GASK1B: variants seen among roughly 807,000 people sequenced by gnomAD.
The protein encoded by GASK1B is golgi associated kinase 1B.
A neutral mutation model predicts 42.8 loss-of-function variants in GASK1B; 34 were observed. The ratio of observed to expected loss-of-function variants is 0.79; its 90% CI spans 0.60 to 1.06. The LOEUF (loss-of-function observed/expected upper bound fraction) is 1.06. Ranked by LOEUF, GASK1B falls within the 50% of genes least tolerant of loss-of-function variation. The pLI, the probability that GASK1B is intolerant of heterozygous loss-of-function variation, is 0.00. For missense variants in GASK1B, 686 were observed against 661.0 expected (o/e 1.04, Z -0.42); for synonymous variants, 262 against 259.1 (o/e 1.01, Z -0.11).
intron 3 of GASK1B, among the ~76,000 whole-genome samples, chr4:158,144,532 C>CATTCCCAT (rs1731258640): frequency 6.6e-6 from 1 of 152,204 alleles, no homozygotes; most frequent in Non-Finnish European, 1.5e-5. Flanking sequence ...TAGCATCATA[C>CATTCCCAT]ATTCCCATAT....
chr4:158,132,589 T>C (rs1730724055), intron 3 of GASK1B, among the ~76,000 whole-genome samples: 1 of 152,226 alleles, frequency 6.6e-6, no homozygotes, highest in Non-Finnish European at 1.5e-5. Context: ...CTTTCTTCTC[T>C]GTTTACTGTA....
At chr4:158,146,080 T>C (rs930034733) in intron 3 of GASK1B, among the ~76,000 whole-genome samples, 3 of 152,192 alleles carry the variant, frequency 2.0e-5, no homozygotes, top group South Asian at 2.1e-4. Flanking sequence ...GAGAGCACTT[T>C]ATATATTTTA....
At position 158,125,238 on chromosome 4, in the gene GASK1B, T is replaced by C. The variant is rs1356914246; in HGVS notation, c.*2169A>G. On this transcript the variant is annotated 3_prime_UTR_variant, in exon 5 of 5. Coordinates refer to ENST00000585682, the MANE Select transcript of GASK1B (RefSeq NM_001128424.2). ...CTAAAATAAACATGTTCCTGGGACT[T>C]TCATTTAATAAGCATTTTGGAATAA... The C allele has an allele frequency of 6.6e-6, 1 of 152,200 alleles. No individual in the cohort carries two copies. The allele number at this position is 152,200 out of a possible 1,614,324, so 9.4% of individuals were successfully genotyped here.
At chr4:158,160,355 C>A (rs752017353) in intron 2 of GASK1B, among the ~76,000 whole-genome samples, 15 of 152,188 alleles carry the variant, frequency 9.9e-5, no homozygotes, top group Non-Finnish European at 1.9e-4. Context: ...CAAACAAGTC[C>A]TGAATCTAGG....
intron 3 of GASK1B, among the ~76,000 whole-genome samples, chr4:158,141,334 T>C (rs1423478792): frequency 6.6e-6 from 1 of 151,716 alleles, no homozygotes; most frequent in Non-Finnish European, 1.5e-5. Context: ...GCTTATGAGA[T>C]ACTGGGCCTC....
rs1732465858 is a variant in GASK1B, at chr4:158,170,731, C to T, written c.645G>A (p.Trp215Ter). The change falls in exon 2 of 5, where the codon TGG (tryptophan) becomes TGA (stop). Residue 215 changes from tryptophan to a stop codon, truncating the protein, a stop_gained. Transcript: ENST00000585682. LOFTEE classifies it high-confidence loss of function. ...IRIYSESAPS[W>*]LSKDDIRRMR... ...TTCTTCGGATGTCATCTTTGCTCAGCCAGGAGGGGGCGCTCTCGCTGTAGA... is the reference window on the plus strand; with the variant it reads ...TTCTTCGGATGTCATCTTTGCTCAGTCAGGAGGGGGCGCTCTCGCTGTAGA... 6.2e-7 allele frequency: 1 copy of T among 1,614,120 alleles called. No individual in the cohort carries two copies. The highest frequency in any genetic ancestry group is 1.3e-5 in the African/African-American group (1 of 74,944).
intron 3 of GASK1B, among the ~76,000 whole-genome samples, chr4:158,147,258 A>G (rs1731366304): frequency 1.3e-5 from 2 of 152,098 alleles, no homozygotes; most frequent in African/African-American, 2.4e-5. Flanking sequence ...AAGTTTGTCC[A>G]TTTATTTATT....
At chr4:158,140,915 T>TA (rs757625225) in intron 3 of GASK1B, among the ~76,000 whole-genome samples, 65 of 152,250 alleles carry the variant, frequency 4.3e-4, no homozygotes, top group East Asian at 1.9e-4. Context: ...ACATAAAATT[T>TA]AAAAATATAT....
At chr4:158,160,185 A>C (rs1731918700) in intron 2 of GASK1B, among the ~76,000 whole-genome samples, 2 of 152,182 alleles carry the variant, frequency 1.3e-5, no homozygotes, top group Admixed American at 1.3e-4. Flanking sequence ...TTGTTATAGG[A>C]AACAAATTCT....
chr4:158,142,787 G>A (rs1193426333), intron 3 of GASK1B, among the ~76,000 whole-genome samples: 1 of 152,026 alleles, frequency 6.6e-6, no homozygotes, highest in Non-Finnish European at 1.5e-5. Context: ...CAATCTATAG[G>A]GAACATAGAC....
chr4:158,163,302 G>A (rs942520145), intron 2 of GASK1B, among the ~76,000 whole-genome samples: 2 of 152,240 alleles, frequency 1.3e-5, no homozygotes, highest in Non-Finnish European at 2.9e-5. Context: ...TGGGCACAGT[G>A]GCTCACGCCT....
chr4:158,160,746 C>T (rs529888274), intron 2 of GASK1B, among the ~76,000 whole-genome samples: 4 of 151,964 alleles, frequency 2.6e-5, no homozygotes, highest in East Asian at 1.9e-4. Flanking sequence ...TGTTTTGTTA[C>T]GTAAACATAA....
chr4:158,124,682 T>A lies in GASK1B; in HGVS notation c.*2725A>T, dbSNP rs1443572626. The A allele has an allele frequency of 6.6e-6, 1 of 152,152 alleles. No individual in the cohort carries two copies. The highest frequency in any genetic ancestry group is 1.5e-5 in the Non-Finnish European group (1 of 68,018). 9.4% of individuals were successfully genotyped at this position (152,152 alleles called of 1,614,324 possible). On this transcript the variant is annotated 3_prime_UTR_variant, in exon 5 of 5. Transcript: ENST00000585682. ...AGGCTATGATTACAAGTCCAAAGAT[T>A]ACAAATATAATGATGATATCAAATA...
At chr4:158,166,823 G>T (rs1732247468) in intron 2 of GASK1B, among the ~76,000 whole-genome samples, 1 of 151,980 alleles carries the variant, frequency 6.6e-6, no homozygotes, top group Admixed American at 6.6e-5. Flanking sequence ...AAACTTTCTA[G>T]TAGGCTGTGG....
intron 3 of GASK1B, among the ~76,000 whole-genome samples, chr4:158,154,892 A>T (rs1188365751): frequency 6.6e-6 from 1 of 152,184 alleles, no homozygotes; most frequent in Non-Finnish European, 1.5e-5. Flanking sequence ...AAAAGACTAC[A>T]CATTGGGTAC....
chr4:158,161,431 C>A (rs1463070321), intron 2 of GASK1B, among the ~76,000 whole-genome samples: 3 of 152,166 alleles, frequency 2.0e-5, no homozygotes, highest in African/African-American at 7.2e-5. Context: ...AATCTCCATA[C>A]TTCCTCAGGA....
chr4:158,133,920 C>CAT (rs1349326465), intron 3 of GASK1B, among the ~76,000 whole-genome samples: 4 of 147,978 alleles, frequency 2.7e-5, no homozygotes, highest in African/African-American at 5.0e-5. Context: ...TGTGTGTGCG[C>CAT]GTGCACGAAC....
intron 3 of GASK1B, among the ~76,000 whole-genome samples, chr4:158,141,992 C>A (rs1280912363): frequency 9.6e-6 from 1 of 104,414 alleles, no homozygotes; most frequent in Non-Finnish European, 1.9e-5. Flanking sequence ...GGCCGGACTG[C>A]GGACTGCAGT....
chr4:158,131,061 T>C (rs773717710), intron 3 of GASK1B, 49 bp from the exon 4 acceptor site: 1 of 1,504,268 alleles, frequency 6.6e-7, no homozygotes, highest in Non-Finnish European at 9.2e-7. Flanking sequence ...AAACAAAACT[T>C]GGGAAAGTTA....
Sources: gnomAD v4.1 joint callset for allele counts (sites outside exome capture counted in the v4.1 genomes callset) on GRCh38, gnomAD v4.1.1 for gene constraint, MANE v1.5 for transcripts, NCBI Gene and HGNC (gene_info 2026-07-23, HGNC 2026-07-21) for gene names.